TMCO4: variants seen among roughly 807,000 people sequenced by gnomAD.
TMCO4 encodes the protein transmembrane and coiled-coil domain-containing protein 4.
In TMCO4, 58 loss-of-function variants were observed where a neutral mutation model predicts 64.7. That is an observed-to-expected ratio of 0.90 (90% confidence interval 0.73 to 1.12). TMCO4 has a LOEUF of 1.12. Among genes scored for constraint, TMCO4 ranks in the 50% most tolerant of loss-of-function variants. TMCO4 has a pLI of 0.00. For missense variants in TMCO4, 780 were observed against 825.9 expected (o/e 0.94, Z 0.68); for synonymous variants, 325 against 346.1 (o/e 0.94, Z 0.68).
At chr1:19,687,984 G>A (rs561235990) in intron 15 of TMCO4, among the ~76,000 whole-genome samples, 1 of 152,276 alleles carries the variant, frequency 6.6e-6, no homozygotes, top group Middle Eastern at 3.4e-3. Context: ...GAAGAGGGGT[G>A]AGGCAGGTCG....
chr1:19,776,489 A>G (rs1034838891), intron 4 of TMCO4, among the ~76,000 whole-genome samples: 1 of 152,218 alleles, frequency 6.6e-6, no homozygotes, highest in Admixed American at 6.5e-5. Context: ...TCATGGAAAC[A>G]AAGTACACAA....
intron 13 of TMCO4, among the ~76,000 whole-genome samples, chr1:19,714,393 CA>C (rs1326782244): frequency 6.6e-6 from 1 of 152,084 alleles, no homozygotes; most frequent in African/African-American, 2.4e-5. Flanking sequence ...CACTTATTTT[CA>C]AAGTTTAAAT....
At chr1:19,715,505 T>G (rs2095351439) in intron 13 of TMCO4, among the ~76,000 whole-genome samples, 1 of 152,206 alleles carries the variant, frequency 6.6e-6, no homozygotes, top group Non-Finnish European at 1.5e-5. Context: ...CTGATAAATA[T>G]TAGTTCCTTC....
chr1:19,746,109 T>A (rs1375017150), intron 9 of TMCO4, among the ~76,000 whole-genome samples: 1 of 152,074 alleles, frequency 6.6e-6, no homozygotes, highest in Non-Finnish European at 1.5e-5. Flanking sequence ...ACAGATATCA[T>A]TTGGAAAAAC....
At chr1:19,687,848 CCCT>C (rs993378824) in intron 15 of TMCO4, among the ~76,000 whole-genome samples, 53 of 152,326 alleles carry the variant, frequency 3.5e-4, no homozygotes, top group African/African-American at 1.3e-3. Context: ...ACAGCTCTGG[CCCT>C]CCTCGACTAC....
chr1:19,729,264 C>T (rs1027903207), intron 13 of TMCO4, among the ~76,000 whole-genome samples: 9 of 151,962 alleles, frequency 5.9e-5, no homozygotes, highest in African/African-American at 2.2e-4. Context: ...ATTCTCATGC[C>T]TCCGCCTGCC....
intron 2 of TMCO4, among the ~76,000 whole-genome samples, chr1:19,796,748 C>T (rs4655201): frequency 0.88 from 134,084 of 151,948 alleles, 59,238 homozygotes; most frequent in African/African-American, 0.91. Context: ...CTAATTTTTG[C>T]ATTTTTAGTA....
At chr1:19,755,850 C>T (rs1159032484) in intron 6 of TMCO4, 84 bp from the exon 7 acceptor site, 69 of 1,528,944 alleles carry the variant, frequency 4.5e-5, no homozygotes, top group Non-Finnish European at 6.0e-5. Flanking sequence ...ATAAAACCCA[C>T]ACTAGAAACA....
chr1:19,794,094 TG>T (rs2044187888), intron 2 of TMCO4, among the ~76,000 whole-genome samples: 1 of 151,768 alleles, frequency 6.6e-6, no homozygotes, highest in African/African-American at 2.4e-5. Flanking sequence ...CCCTCCTCCC[TG>T]CAGCTCCTGG....
intron 13 of TMCO4, among the ~76,000 whole-genome samples, chr1:19,717,501 C>T (rs551157969): frequency 2.6e-5 from 4 of 152,346 alleles, no homozygotes; most frequent in African/African-American, 7.2e-5. Context: ...CAGGTCTCTG[C>T]TTTCTGCTGG....
chr1:19,755,410 T>C (rs2042202402), intron 7 of TMCO4, among the ~76,000 whole-genome samples: 1 of 152,320 alleles, frequency 6.6e-6, no homozygotes, highest in African/African-American at 2.4e-5. Flanking sequence ...CCACCATGCC[T>C]GGCACATTTC....
At chr1:19,789,400 C>T (rs1188587794) in intron 2 of TMCO4, among the ~76,000 whole-genome samples, 1 of 151,962 alleles carries the variant, frequency 6.6e-6, no homozygotes, top group Non-Finnish European at 1.5e-5. Flanking sequence ...CACAGTGAGA[C>T]TCTGCCTCAA....
intron 7 of TMCO4, among the ~76,000 whole-genome samples, chr1:19,748,421 C>T (rs927469253): frequency 3.3e-5 from 5 of 152,212 alleles, no homozygotes; most frequent in African/African-American, 1.2e-4. Flanking sequence ...TTTCCCATCT[C>T]CTTGAGCAGA....
rs192895372 is a variant in TMCO4 at position 19,730,188 on chromosome 1, G to T, written c.1264+7184C>A. ...TTTGGCCAATGAAATGTTTGTAAAA[G>T]TCACATGTGTTACTTATGGGTGAAG... On this transcript the variant is annotated intron_variant, in intron 13 of 15. Transcript: ENST00000294543. 2.3e-3 allele frequency among the ~76,000 whole-genome samples: 348 copies of T among 152,308 alleles called. 3 individuals carry two copies. Among genetic ancestry groups the T allele is most frequent in the South Asian group, 6.8e-3 (33 of 4,824 alleles).
chr1:19,759,322 G>A (rs757675196), intron 6 of TMCO4, among the ~76,000 whole-genome samples: 1 of 151,854 alleles, frequency 6.6e-6, no homozygotes, highest in Non-Finnish European at 1.5e-5. Flanking sequence ...ACCACCAGCC[G>A]CCTCACTGCT....
intron 13 of TMCO4, among the ~76,000 whole-genome samples, chr1:19,726,877 A>T (rs570911886): frequency 1.3e-5 from 2 of 152,242 alleles, no homozygotes; most frequent in African/African-American, 4.8e-5. Flanking sequence ...CCTCGGCTAC[A>T]TGATGGATTT....
intron 6 of TMCO4, among the ~76,000 whole-genome samples, chr1:19,759,059 G>A (rs2042386731): frequency 1.5e-5 from 2 of 135,618 alleles, no homozygotes; most frequent in African/African-American, 5.7e-5. Context: ...CCAAGATCAT[G>A]CCACTGCACT....
At chr1:19,772,307 T>G (rs2043021669) in intron 4 of TMCO4, among the ~76,000 whole-genome samples, 1 of 152,180 alleles carries the variant, frequency 6.6e-6, no homozygotes. Flanking sequence ...GCCAAGGACG[T>G]GCTTTCTGGA....
intron 14 of TMCO4, among the ~76,000 whole-genome samples, chr1:19,700,421 C>T (rs1180595524): frequency 2.0e-5 from 3 of 152,168 alleles, no homozygotes; most frequent in South Asian, 2.1e-4. Context: ...CTCCCTGTGG[C>T]CCAATCTTTG....
Sources: allele counts gnomAD v4.1 joint callset (sites outside exome capture counted in the v4.1 genomes callset), GRCh38; gene constraint gnomAD v4.1.1; transcripts MANE v1.5; gene names NCBI Gene and HGNC (gene_info 2026-07-23, HGNC 2026-07-21).